PHLPP1: variants seen among roughly 807,000 people sequenced by gnomAD.
The protein encoded by PHLPP1 is PH domain leucine-rich repeat-containing protein phosphatase 1.
Under a neutral mutation model 117.2 loss-of-function variants are expected in PHLPP1, and 42 were observed. That is an observed-to-expected ratio of 0.36 (90% confidence interval 0.28 to 0.46). The LOEUF (loss-of-function observed/expected upper bound fraction) is 0.46. Ranked by LOEUF, PHLPP1 falls within the 20% of genes least tolerant of loss-of-function variation. The pLI is 1.00. For synonymous variants in PHLPP1, 1,042 were observed against 970.7 expected, an observed-to-expected ratio of 1.07 and a Z score of -1.37; for missense variants, 2,084 against 2,241.9, an observed-to-expected ratio of 0.93 and a Z score of 1.42.
At chr18:62,970,661 A>C (rs1309435319) in intron 14 of PHLPP1, among the ~76,000 whole-genome samples, 1 of 152,116 alleles carries the variant, frequency 6.6e-6, no homozygotes, top group East Asian at 1.9e-4. Flanking sequence ...GCTACTCAGG[A>C]GGCTGAGGGA....
chr18:62,869,793 A>G (rs918051820), intron 4 of PHLPP1, among the ~76,000 whole-genome samples: 1 of 152,208 alleles, frequency 6.6e-6, no homozygotes. Flanking sequence ...AAGCATGGGG[A>G]AGATAGGCCT....
chr18:62,883,954 C>T (rs763025247), intron 4 of PHLPP1, among the ~76,000 whole-genome samples: 11 of 152,162 alleles, frequency 7.2e-5, no homozygotes, highest in Non-Finnish European at 1.6e-4. Context: ...GCCTATTAGG[C>T]ACCAATAAGT....
intron 10 of PHLPP1, among the ~76,000 whole-genome samples, chr18:62,934,018 A>G (rs1381115677): frequency 6.6e-6 from 1 of 152,222 alleles, no homozygotes; most frequent in Non-Finnish European, 1.5e-5. Context: ...AGTTACAGCC[A>G]TAATGAGATA....
chr18:62,925,461 G>GAAGTTCTGATGTTTTGAGAGTGAAGTT (rs1909601189), intron 10 of PHLPP1, among the ~76,000 whole-genome samples: 4 of 150,480 alleles, frequency 2.7e-5, no homozygotes, highest in African/African-American at 7.5e-5. Context: ...GCTCATGTGT[G>GAAGTTCTGATGTTTTGAGAGTGAAGTT]CTTATTAAAT....
intron 6 of PHLPP1, among the ~76,000 whole-genome samples, chr18:62,900,436 T>G (rs1023734957): frequency 3.3e-4 from 32 of 96,776 alleles, no homozygotes; most frequent in African/African-American, 1.1e-3. Flanking sequence ...TTTCTTTCTT[T>G]TTTTTTTTTT....
At chr18:62,872,180 A>G (rs746148983) in intron 4 of PHLPP1, among the ~76,000 whole-genome samples, 10 of 152,190 alleles carry the variant, frequency 6.6e-5, no homozygotes, top group Non-Finnish European at 4.4e-5. Flanking sequence ...AGAAGTGACA[A>G]AATCTAAGTG....
intron 1 of PHLPP1, among the ~76,000 whole-genome samples, chr18:62,727,005 A>AAT (rs1911092997): frequency 6.6e-6 from 1 of 151,570 alleles, no homozygotes. Context: ...AGGTAGGTGG[A>AAT]TCACCTGAGG....
intron 1 of PHLPP1, among the ~76,000 whole-genome samples, chr18:62,819,285 T>C (rs1208528995): frequency 6.6e-6 from 1 of 152,242 alleles, no homozygotes; most frequent in East Asian, 1.9e-4. Context: ...AGTGTACTAC[T>C]TATGGTGTTC....
intron 1 of PHLPP1, among the ~76,000 whole-genome samples, chr18:62,760,854 A>ATTTTG (rs1393384236): frequency 5.9e-5 from 9 of 151,912 alleles, no homozygotes; most frequent in Non-Finnish European, 8.8e-5. Context: ...CCCTGGCATT[A>ATTTTG]TTTTGTTTTG....
chr18:62,769,561 C>G (rs1442515752), intron 1 of PHLPP1, among the ~76,000 whole-genome samples: 1 of 152,086 alleles, frequency 6.6e-6, no homozygotes. Context: ...GATGCTCTGT[C>G]TTTCATATAC....
intron 1 of PHLPP1, among the ~76,000 whole-genome samples, chr18:62,726,588 T>A (rs1911079704): frequency 6.9e-6 from 1 of 144,618 alleles, no homozygotes; most frequent in Admixed American, 6.8e-5. Context: ...CTGTTCTTTT[T>A]TTTTTTTTTT....
At chr18:62,755,322 A>G (rs1911981118) in intron 1 of PHLPP1, among the ~76,000 whole-genome samples, 1 of 152,180 alleles carries the variant, frequency 6.6e-6, no homozygotes, top group Non-Finnish European at 1.5e-5. Context: ...GTTCTTACCA[A>G]TACCAGTTTT....
At chr18:62,787,390 A>T (rs1386017893) in intron 1 of PHLPP1, among the ~76,000 whole-genome samples, 2 of 152,082 alleles carry the variant, frequency 1.3e-5, no homozygotes, top group Non-Finnish European at 2.9e-5. Context: ...CTGGTCTCGA[A>T]CTTCTGACCT....
chr18:62,808,519 G>A (rs1424241727), intron 1 of PHLPP1, among the ~76,000 whole-genome samples: 1 of 150,438 alleles, frequency 6.6e-6, no homozygotes, highest in Non-Finnish European at 1.5e-5. Context: ...GTCTAAAATA[G>A]TCACTTTTGT....
At chr18:62,836,110 A>G (rs1302614623) in intron 2 of PHLPP1, among the ~76,000 whole-genome samples, 2 of 151,748 alleles carry the variant, frequency 1.3e-5, no homozygotes, top group Non-Finnish European at 2.9e-5. Context: ...ATATTTTTAA[A>G]TTACTGGGTT....
chr18:62,898,941 G>A (rs991219791), intron 6 of PHLPP1, among the ~76,000 whole-genome samples: 3 of 151,994 alleles, frequency 2.0e-5, no homozygotes, highest in African/African-American at 7.3e-5. Flanking sequence ...TGGGATTACA[G>A]GCGCCCATCA....
chr18:62,895,974 T>A lies in PHLPP1; in HGVS notation c.2407T>A (p.Leu803Ile), dbSNP rs1311786474. ...NCVETLRLQA[L>I]RKMPHIKHVD... ...TGTGGAGACCCTTAGGCTACAGGCT[T>A]TAAGAAAAATGCCTCACATTAAACA... is the stretch of plus-strand genomic sequence containing the variant. The change falls in exon 6 of 17, where the codon TTA (leucine) becomes ATA (isoleucine). Residue 803 changes from leucine to isoleucine, a missense_variant. By Grantham distance (5) the Leu-to-Ile change is conservative. Coordinates refer to ENST00000262719, the MANE Select transcript of PHLPP1 (RefSeq NM_194449.4). 6.2e-7 allele frequency: 1 copy of A among 1,613,096 alleles called. No homozygotes were observed. The highest frequency in any genetic ancestry group is 1.3e-5 in the African/African-American group (1 of 74,910).
At chr18:62,874,644 C>T (rs577141618) in intron 4 of PHLPP1, among the ~76,000 whole-genome samples, 178 of 116,982 alleles carry the variant, frequency 1.5e-3, no homozygotes, top group Middle Eastern at 4.6e-3. Context: ...TCACAGGGCG[C>T]GCACGCACGC....
intron 1 of PHLPP1, among the ~76,000 whole-genome samples, chr18:62,782,874 G>A (rs988140982): frequency 2.0e-5 from 3 of 151,992 alleles, no homozygotes; most frequent in African/African-American, 4.8e-5. Context: ...GGGGCAAAGC[G>A]CTATTTGTTT....
Sources: gnomAD v4.1 joint callset for allele counts (sites outside exome capture counted in the v4.1 genomes callset) on GRCh38, gnomAD v4.1.1 for gene constraint, MANE v1.5 for transcripts, NCBI Gene and HGNC (gene_info 2026-07-23, HGNC 2026-07-21) for gene names.